TTC8: variants seen among roughly 807,000 people sequenced by gnomAD.
TTC8 encodes tetratricopeptide repeat protein 8.
A neutral mutation model predicts 72.5 loss-of-function variants in TTC8; 47 were observed. The ratio of observed to expected loss-of-function variants is 0.65; its 90% CI spans 0.51 to 0.83. The LOEUF is 0.83. TTC8 is among the 40% of genes least tolerant of loss of function. The pLI, the probability that TTC8 is intolerant of heterozygous loss-of-function variation, is 0.00. For missense variants in TTC8, 611 were observed against 623.2 expected (o/e 0.98, Z 0.21); for synonymous variants, 199 against 221.4 (o/e 0.90, Z 0.90).
intron 1 of TTC8, among the ~76,000 whole-genome samples, chr14:88,829,995 C>T (rs2094718710): frequency 6.6e-6 from 1 of 152,194 alleles, no homozygotes; most frequent in Non-Finnish European, 1.5e-5. Context: ...CTGAATTACA[C>T]AGATTACACT....
At chr14:88,869,188 A>T (rs1048543325) in intron 10 of TTC8, among the ~76,000 whole-genome samples, 2 of 152,212 alleles carry the variant, frequency 1.3e-5, no homozygotes, top group African/African-American at 4.8e-5. Context: ...TTCATGAAGG[A>T]TGTGGAGCCT....
At chr14:88,872,091 G>A (rs2094936631) in intron 12 of TTC8, among the ~76,000 whole-genome samples, 1 of 152,100 alleles carries the variant, frequency 6.6e-6, no homozygotes, top group Non-Finnish European at 1.5e-5. Flanking sequence ...AAATTTTCAG[G>A]AATTATCCTA....
At chr14:88,872,504 G>A (rs2094938937) in intron 13 of TTC8, 52 bp downstream of exon 13, 5 of 1,609,270 alleles carry the variant, frequency 3.1e-6, no homozygotes, top group Middle Eastern at 2.0e-4. Flanking sequence ...TCAGAGAAAA[G>A]CTGTCATGTG....
rs181863904 is a variant in TTC8 at position 88,876,349 on chromosome 14, G to A, written c.1432-945G>A. On this transcript the variant is annotated intron_variant, in intron 14 of 14. Transcript: ENST00000380656. The stretch of plus-strand genomic sequence containing the variant: ...GGAAACTTAATTTCTGTTTTAATAC[G>A]TATGTATTGTTACCAGAAATCTACC... Among the ~76,000 whole-genome samples, 550 of 152,262 alleles carry A rather than the reference G, an allele frequency of 3.6e-3. 1 individual carries two copies. The highest frequency in any genetic ancestry group is 5.5e-3 in the Non-Finnish European group (375 of 68,010).
chr14:88,835,237 A>C (rs1322932843), intron 2 of TTC8, among the ~76,000 whole-genome samples: 1 of 152,246 alleles, frequency 6.6e-6, no homozygotes, highest in Non-Finnish European at 1.5e-5. Context: ...CTGGCCTTGC[A>C]TTCTGTATTA....
At chr14:88,851,680 T>A (rs531115675) in intron 7 of TTC8, among the ~76,000 whole-genome samples, 17 of 152,266 alleles carry the variant, frequency 1.1e-4, no homozygotes, top group African/African-American at 3.8e-4. Flanking sequence ...TTTTTTTGTT[T>A]CATTTTTATT....
intron 2 of TTC8, among the ~76,000 whole-genome samples, chr14:88,834,714 A>C (rs900252560): frequency 6.6e-6 from 1 of 151,652 alleles, no homozygotes; most frequent in African/African-American, 2.4e-5. Context: ...TTTTTTGCAT[A>C]ATATGGGTAC....
chr14:88,825,652 G>A (rs1392806613), intron 1 of TTC8, among the ~76,000 whole-genome samples: 1 of 152,182 alleles, frequency 6.6e-6, no homozygotes, highest in Non-Finnish European at 1.5e-5. Context: ...TAGTAAGTGC[G>A]GAATATACCT....
At chr14:88,872,180 T>C (rs1175821162) in intron 12 of TTC8, 150 bp from the exon 13 acceptor site, 9 of 1,199,162 alleles carry the variant, frequency 7.5e-6, no homozygotes, top group Non-Finnish European at 1.1e-5. Context: ...TATTCTTAGG[T>C]TAAATCCACT....
rs370530645 is a variant in TTC8 at position 88,872,312 on chromosome 14, A to G, written c.1225-18A>G. 21 of 1,613,448 alleles carry G rather than the reference A, an allele frequency of 1.3e-5. No homozygotes were observed. In the South Asian group the frequency reaches 1.8e-4, roughly 14 times the overall value. On this transcript the variant is annotated intron_variant, in intron 12 of 14. Transcript: ENST00000380656. ...AGTAAACGGACCCATGGGTGTGAAC[A>G]TAGGCTTTCTTTTGTAGGGAATAGG...
rs367590641 is a variant in TTC8, at chr14:88,826,251, G to A, written c.114+1430G>A. On this transcript the variant is annotated intron_variant, in intron 1 of 14. Coordinates refer to ENST00000380656, the MANE Select transcript of TTC8 (RefSeq NM_144596.4). ...GATCCGTCTGCCTCGGCCTCCCAAA[G>A]TGTTGGGATTACAGGCATGAGCCAC... Among the ~76,000 whole-genome samples, 5 of 151,738 alleles carry A rather than the reference G, an allele frequency of 3.3e-5. No homozygotes were observed. In the East Asian group the frequency reaches 9.8e-4, roughly 30 times the overall value.
intron 8 of TTC8, among the ~76,000 whole-genome samples, chr14:88,855,619 T>A (rs1024992018): frequency 1.3e-5 from 2 of 152,252 alleles, no homozygotes; most frequent in African/African-American, 4.8e-5. Context: ...ACATTGTTTT[T>A]AAAATAATCT....
chr14:88,855,700 GAAAC>G (rs2094852942), intron 8 of TTC8, among the ~76,000 whole-genome samples: 1 of 152,018 alleles, frequency 6.6e-6, no homozygotes. Context: ...TTTTTGGAAA[GAAAC>G]AAGTTAGATA....
At chr14:88,840,397 A>G (rs2140975182) in intron 3 of TTC8, 1 of 160,706 alleles carries the variant, frequency 6.2e-6, no homozygotes, top group African/African-American at 2.4e-5. Context: ...AAAAATACAT[A>G]TTTTTATGTT....
chr14:88,874,829 G>A (rs903640262), intron 13 of TTC8, among the ~76,000 whole-genome samples, 197 bp from the exon 14 acceptor site: 1 of 151,730 alleles, frequency 6.6e-6, no homozygotes, highest in African/African-American at 2.4e-5. Context: ...ACATAATTTT[G>A]GCAAGGTATC....
At chr14:88,860,006 G>T (rs960660165) in intron 9 of TTC8, among the ~76,000 whole-genome samples, 3 of 145,278 alleles carry the variant, frequency 2.1e-5, no homozygotes, top group African/African-American at 7.5e-5. Flanking sequence ...TGTTGTATAT[G>T]TGTAAAGGAA....
At chr14:88,870,620 C>T (rs1198033761) in intron 11 of TTC8, among the ~76,000 whole-genome samples, 1 of 152,204 alleles carries the variant, frequency 6.6e-6, no homozygotes. Flanking sequence ...AACAGAATCA[C>T]CTGTTTTGTG....
At position 88,875,008 on chromosome 14, in the gene TTC8, C is replaced by T. The variant is rs779794294; in HGVS notation, c.1348-18C>T. ...TTCATACGCCTTTGGTTTTTCTTTT[C>T]TTTATTTTTATACACAGGCAAGGGC... On this transcript the variant is annotated intron_variant, in intron 13 of 14. Transcript: ENST00000380656. 1.2e-5 allele frequency: 20 copies of T among 1,601,350 alleles called. No homozygotes were observed. In the Admixed American group the frequency reaches 3.4e-4, roughly 27 times the overall value.
At chr14:88,861,858 T>C (rs1232622521) in intron 10 of TTC8, among the ~76,000 whole-genome samples, 2 of 152,242 alleles carry the variant, frequency 1.3e-5, no homozygotes, top group African/African-American at 2.4e-5. Flanking sequence ...TGTGTCTATA[T>C]ACCACATTTT....
Sources: gnomAD v4.1 joint callset for allele counts (sites outside exome capture counted in the v4.1 genomes callset) on GRCh38, gnomAD v4.1.1 for gene constraint, MANE v1.5 for transcripts, NCBI Gene and HGNC (gene_info 2026-07-23, HGNC 2026-07-21) for gene names.